PPP1R26: variants seen among roughly 807,000 people sequenced by gnomAD.
The protein encoded by PPP1R26 is 1A6/DRIM (down-regulated in metastasis) interacting protein.
In PPP1R26, 22 loss-of-function variants were observed where a neutral mutation model predicts 67.6. The ratio of observed to expected loss-of-function variants is 0.33; its 90% confidence interval spans 0.23 to 0.46. The LOEUF is 0.46. Among genes scored for constraint, PPP1R26 ranks in the 20% least tolerant of loss-of-function variants. PPP1R26 has a pLI of 1.00. For synonymous variants in PPP1R26, 729 were observed against 717.2 expected (o/e 1.02, Z -0.26); for missense variants, 1,602 against 1,651.4 (o/e 0.97, Z 0.52).
At position 135,486,607 on chromosome 9, in the gene PPP1R26, C is replaced by T. The variant is rs1830740744; in HGVS notation, c.2097C>T (p.Asp699=). The change falls in exon 4 of 4, where the codon GAC becomes GAT. Residue 699 remains aspartate, a synonymous_variant. Coordinates refer to ENST00000356818, the MANE Select transcript of PPP1R26 (RefSeq NM_014811.5). This position sits in a 1 kb window ranked among gnomAD's most constrained non-coding sequence, Gnocchi z 6.2. ...AGGACCTGGACACAGCCATCAAGGA[C>T]TTGTTAAGGTCCAAGCGAAAGCTCA... ...SDEDLDTAIK[D]LLRSKRKLKK... The T allele has an allele frequency of 2.5e-6, 4 of 1,612,376 alleles. No homozygotes were observed. The highest frequency in any genetic ancestry group is 3.4e-6 in the Non-Finnish European group (4 of 1,179,992).
chr9:135,487,505 A>G lies in PPP1R26; in HGVS notation c.2995A>G (p.Met999Val), dbSNP rs781525749. 37 of 1,608,468 alleles carry G rather than the reference A, an allele frequency of 2.3e-5. No individual in the cohort carries two copies. Among genetic ancestry groups the G allele is most frequent in the African/African-American group, 1.6e-4 (12 of 74,832 alleles). ...AGGAGGCGCCAGAGGAACCTTTCAC[A>G]TGGGCTGCGGGAGCCCGAGCTTCCT... ...EAGGARGTFH[M>V]GCGSPSFLTP... Residue 999 changes from methionine to valine, a missense_variant, in exon 4 of 4, where the codon ATG becomes GTG. Coordinates refer to ENST00000356818, the MANE Select transcript of PPP1R26 (RefSeq NM_014811.5).
rs1487452761 is a variant in PPP1R26, at chr9:135,486,763, G to A, written c.2253G>A (p.Lys751=). 5 of 1,581,028 alleles carry A rather than the reference G, an allele frequency of 3.2e-6. No homozygotes were observed. The highest frequency in any genetic ancestry group is 1.1e-5 in the South Asian group (1 of 87,930). ...DWKDRGPPVL[K]SCLSKSKRDS... ...AAGACAGGGGCCCGCCAGTGCTGAAGAGCTGCCTCTCCAAGTCCAAGAGAG... is the reference window on the plus strand; with the variant it reads ...AAGACAGGGGCCCGCCAGTGCTGAAAAGCTGCCTCTCCAAGTCCAAGAGAG... The change falls in exon 4 of 4, where the codon AAG becomes AAA. Residue 751 remains lysine, a synonymous_variant. Coordinates refer to ENST00000356818, the MANE Select transcript of PPP1R26 (RefSeq NM_014811.5). The surrounding 1 kb of genome is among the most constrained non-coding windows in gnomAD (Gnocchi z 6.2).
chr9:135,486,906 C>A lies in PPP1R26; in HGVS notation c.2396C>A (p.Pro799His). Residue 799 changes from proline (P) to histidine (H), a missense_variant, in exon 4 of 4, where the codon CCC (proline) becomes CAC (histidine). Around this residue, in one of 5 missense-constraint regions of PPP1R26, gnomAD observed 740 missense variants for 696.3 expected, o/e 1.06. Coordinates refer to ENST00000356818, the MANE Select transcript of PPP1R26 (RefSeq NM_014811.5). This position sits in a 1 kb window ranked among gnomAD's most constrained non-coding sequence, Gnocchi z 6.2. ...DAALAFRVRRPASASASEGNP... is the reference protein window; with the variant it reads ...DAALAFRVRRHASASASEGNP... Reference sequence around the variant, plus strand: ...GCCCTGGCCTTCCGGGTGAGGAGACCCGCCTCCGCCTCTGCCTCCGAAGGG... The same window carrying A: ...GCCCTGGCCTTCCGGGTGAGGAGACACGCCTCCGCCTCTGCCTCCGAAGGG... The A allele has an allele frequency of 6.2e-7, 1 of 1,612,798 alleles. No homozygotes were observed.
Position 135,486,124 on chromosome 9 carries a change from C to T in PPP1R26, c.1614C>T (p.Ile538=), listed in dbSNP as rs1588351070. The stretch of plus-strand genomic sequence containing the variant: ...GCGATGACAGCATCGAGCAGGAAAT[C>T]CGGACATTTTTGGCCCTAAAGGCGC... The part of the protein sequence containing the change: ...VDSDDSIEQE[I]RTFLALKAQS... Residue 538 remains isoleucine, a synonymous_variant, in exon 4 of 4, where the codon ATC becomes ATT. Coordinates refer to ENST00000356818, the MANE Select transcript of PPP1R26 (RefSeq NM_014811.5). The surrounding 1 kb of genome is among the most constrained non-coding windows in gnomAD (Gnocchi z 6.2). The T allele has an allele frequency of 6.2e-7, 1 of 1,612,940 alleles. No homozygotes were observed. The highest frequency in any genetic ancestry group is 8.5e-7 in the Non-Finnish European group (1 of 1,180,036).
rs1386422641 is a variant in PPP1R26, at chr9:135,485,989, G to A, written c.1479G>A (p.Thr493=). The A allele has an allele frequency of 7.4e-6, 12 of 1,613,030 alleles. No homozygotes were observed. Among genetic ancestry groups the A allele is most frequent in the East Asian group, 4.5e-5 (2 of 44,886 alleles). Residue 493 remains threonine, a synonymous_variant, in exon 4 of 4, where the codon ACG becomes ACA. Coordinates refer to ENST00000356818, the MANE Select transcript of PPP1R26 (RefSeq NM_014811.5). The surrounding 1 kb of genome is among the most constrained non-coding windows in gnomAD (Gnocchi z 7.2). The stretch of plus-strand genomic sequence containing the variant: ...AAGCAATCCTGGACATCTCCAAGAC[G>A]ATCCTGCCGGCCCCTGTAGAGGGCA... The part of the protein sequence containing the change: ...CAEAILDISK[T]ILPAPVEGSD...
chr9:135,483,605 T>C lies in PPP1R26; in HGVS notation c.-195-345T>C, dbSNP rs576290148. On this transcript the variant is annotated intron_variant, in intron 2 of 3. Transcript: ENST00000356818. The stretch of plus-strand genomic sequence containing the variant: ...ATGAATAGCTGCGCAGTATCCCTGG[T>C]ATTGTTCTAAGTGACTGCCATCCAC... 7.6e-4 allele frequency: 134 copies of C among 177,192 alleles called. 1 individual carries two copies. The highest frequency in any genetic ancestry group is 2.7e-3 in the African/African-American group (116 of 42,544). 11.0% of individuals were successfully genotyped at this position (177,192 alleles called of 1,614,324 possible).
Position 135,487,539 on chromosome 9 carries a change from G to T in PPP1R26, c.3029G>T (p.Ser1010Ile), listed in dbSNP as rs760474459. 6.3e-7 allele frequency: 1 copy of T among 1,586,578 alleles called. No individual in the cohort carries two copies. The highest frequency in any genetic ancestry group is 8.6e-7 in the Non-Finnish European group (1 of 1,167,876). ...GGGAGCCCGAGCTTCCTGACCCCCA[G>T]CCCGGGAGCGGAGAGGGACGCTGGA... Reference protein sequence around the residue: ...GCGSPSFLTPSPGAERDAGAQ... With the variant: ...GCGSPSFLTPIPGAERDAGAQ... The change falls in exon 4 of 4, where the codon AGC (serine) becomes ATC (isoleucine). Residue 1010 changes from serine to isoleucine, a missense_variant. Around this residue, in one of 5 missense-constraint regions of PPP1R26, gnomAD observed 740 missense variants for 696.3 expected, o/e 1.06. Coordinates refer to ENST00000356818, the MANE Select transcript of PPP1R26 (RefSeq NM_014811.5).
In PPP1R26 at chr9:135,486,185, C is replaced by G. The variant is rs772380783; in HGVS notation, c.1675C>G (p.Pro559Ala). The change falls in exon 4 of 4, where the codon CCG becomes GCG. Residue 559 changes from proline to alanine, a missense_variant. Pro to Ala is a conservative substitution (Grantham distance 27). Coordinates refer to ENST00000356818, the MANE Select transcript of PPP1R26 (RefSeq NM_014811.5). The surrounding 1 kb of genome is among the most constrained non-coding windows in gnomAD (Gnocchi z 6.2). ...TTTGCTGGCCAGAGGTGAGAGCTGC[C>G]CGCAGGCTGCCCAGGGTCCACTTTT... Reference protein sequence around the residue: ...GSLLARGESCPQAAQGPLLPP... With the variant: ...GSLLARGESCAQAAQGPLLPP... 5 of 1,612,876 alleles carry G rather than the reference C, an allele frequency of 3.1e-6. No individual in the cohort carries two copies. In the African/African-American group the frequency reaches 6.7e-5, roughly 22 times the overall value.
At chr9:135,482,644 C>T in intron 1 of PPP1R26, 39 bp from the exon 2 acceptor site, 1 of 398,224 alleles carries the variant, frequency 2.5e-6, no homozygotes, top group East Asian at 3.6e-5. Context: ...TAGCTTCAGC[C>T]TGTAATTAGA....
chr9:135,487,248 C>A lies in PPP1R26; in HGVS notation c.2738C>A (p.Ala913Glu). ...CTTCGAGGCACAGAGAGCGCAGGAG[C>A]ACAGGGCACAGCTGGTCTGTTCAGC... ...EGLRGTESAGAQGTAGLFSQG... is the reference protein window; with the variant it reads ...EGLRGTESAGEQGTAGLFSQG... Residue 913 changes from alanine to glutamate, a missense_variant, in exon 4 of 4, where the codon GCA becomes GAA. By Grantham distance (107) the Ala-to-Glu change is moderately radical (BLOSUM62 -1). This residue lies in a region of PPP1R26 where 740 missense variants were observed against 696.3 expected (regional missense o/e 1.06). Coordinates refer to ENST00000356818, the MANE Select transcript of PPP1R26 (RefSeq NM_014811.5). The A allele has an allele frequency of 6.4e-7, 1 of 1,574,728 alleles. No individual in the cohort carries two copies. Among genetic ancestry groups the A allele is most frequent in the South Asian group, 1.2e-5 (1 of 83,964 alleles).
chr9:135,486,584 G>T lies in PPP1R26; in HGVS notation c.2074G>T (p.Asp692Tyr). The change falls in exon 4 of 4, where the codon GAC becomes TAC. Residue 692 changes from aspartate to tyrosine, a missense_variant. Physicochemically the swap from Asp to Tyr is radical, Grantham distance 160. Coordinates refer to ENST00000356818, the MANE Select transcript of PPP1R26 (RefSeq NM_014811.5). The surrounding 1 kb of genome is among the most constrained non-coding windows in gnomAD (Gnocchi z 6.2). ...AAGCAGCTCCCTGGACAGTGACGAGGACCTGGACACAGCCATCAAGGACTT... is the reference window on the plus strand; with the variant it reads ...AAGCAGCTCCCTGGACAGTGACGAGTACCTGGACACAGCCATCAAGGACTT... ...DKSSSLDSDE[D>Y]LDTAIKDLLR... The T allele has an allele frequency of 6.2e-7, 1 of 1,612,184 alleles. No individual in the cohort carries two copies.
At chr9:135,483,116 A>G (rs371018320) in intron 2 of PPP1R26, among the ~76,000 whole-genome samples, 9 of 150,188 alleles carry the variant, frequency 6.0e-5, no homozygotes, top group Non-Finnish European at 1.3e-4. Context: ...CAGCCTCCCA[A>G]GTAGCTGGGA....
rs762337402 is a variant in PPP1R26, at chr9:135,484,594, C to T, written c.84C>T (p.Pro28=). ...GCCCGCCAGGGAGCTGTAGGTTCCCCAGGTGCTTCTCGGAGGCTGACGAGG... is the reference window on the plus strand; with the variant it reads ...GCCCGCCAGGGAGCTGTAGGTTCCCTAGGTGCTTCTCGGAGGCTGACGAGG... ...AFGPPGSCRF[P]RCFSEADEGV... Residue 28 remains proline (P), a synonymous_variant, in exon 4 of 4, where the codon CCC becomes CCT. Coordinates refer to ENST00000356818, the MANE Select transcript of PPP1R26 (RefSeq NM_014811.5). 6.2e-7 allele frequency: 1 copy of T among 1,612,784 alleles called. No homozygotes were observed. The highest frequency in any genetic ancestry group is 8.5e-7 in the Non-Finnish European group (1 of 1,180,008).
Position 135,485,164 on chromosome 9 carries a change from C to T in PPP1R26, c.654C>T (p.Ser218=), listed in dbSNP as rs1394441246. 3.7e-6 allele frequency: 6 copies of T among 1,612,856 alleles called. No homozygotes were observed. The East Asian group carries it at 6.7e-5, about 18-fold the overall frequency. ...QGSASPVSVS[S]DDSFEQSIRA... ...CCGCCTCCCCGGTCAGTGTGAGCAG[C>T]GATGACTCCTTCGAGCAGAGCATCA... The change falls in exon 4 of 4, where the codon AGC becomes AGT. Residue 218 remains serine (S), a synonymous_variant. Coordinates refer to ENST00000356818, the MANE Select transcript of PPP1R26 (RefSeq NM_014811.5). The surrounding 1 kb of genome is among the most constrained non-coding windows in gnomAD (Gnocchi z 7.2).
At position 135,486,777 on chromosome 9, in the gene PPP1R26, A is replaced by C; in HGVS notation, c.2267A>C (p.Lys756Thr). ...GPPVLKSCLS[K>T]SKRDSGEGPG... Reference sequence around the variant, plus strand: ...CCAGTGCTGAAGAGCTGCCTCTCCAAGTCCAAGAGAGACAGTGGCGAGGGT... The same window carrying C: ...CCAGTGCTGAAGAGCTGCCTCTCCACGTCCAAGAGAGACAGTGGCGAGGGT... Residue 756 changes from lysine to threonine, a missense_variant, in exon 4 of 4, where the codon AAG becomes ACG. Coordinates refer to ENST00000356818, the MANE Select transcript of PPP1R26 (RefSeq NM_014811.5). This position sits in a 1 kb window ranked among gnomAD's most constrained non-coding sequence, Gnocchi z 6.2. 1 of 1,588,168 alleles carries C rather than the reference A, an allele frequency of 6.3e-7. No homozygotes were observed. The highest frequency in any genetic ancestry group is 8.6e-7 in the Non-Finnish European group (1 of 1,167,848).
rs770913387 is a variant in PPP1R26, at chr9:135,487,680, G to T, written c.3170G>T (p.Ser1057Ile). The change falls in exon 4 of 4, where the codon AGC becomes ATC. Residue 1057 changes from serine to isoleucine, a missense_variant. Ser to Ile is a moderately radical substitution (Grantham distance 142). Coordinates refer to ENST00000356818, the MANE Select transcript of PPP1R26 (RefSeq NM_014811.5). Reference protein sequence around the residue: ...RDAVWRGGVGSERDKGSEGPA... With the variant: ...RDAVWRGGVGIERDKGSEGPA... The stretch of plus-strand genomic sequence containing the variant: ...GCAGTGTGGAGGGGGGGCGTCGGGA[G>T]CGAGAGAGACAAGGGGTCCGAGGGC... 8 of 1,457,604 alleles carry T rather than the reference G, an allele frequency of 5.5e-6. No individual in the cohort carries two copies. In the African/African-American group the frequency reaches 1.1e-4, roughly 21 times the overall value. The allele number at this position is 1,457,604 out of a possible 1,614,324, so 90.3% of individuals were successfully genotyped here. A position where few individuals can be genotyped will look rare whatever the true frequency, so the allele number is the denominator to read the frequency against.
Position 135,485,392 on chromosome 9 carries a change from G to A in PPP1R26, c.882G>A (p.Arg294=). The stretch of plus-strand genomic sequence containing the variant: ...AGTTTGCCTTCCGCAAACCTCCCCG[G>A]TTAGCGAAGATGAACGTCCAGCCCA... The part of the protein sequence containing the change: ...QKEFAFRKPP[R]LAKMNVQPRS... The change falls in exon 4 of 4, where the codon CGG becomes CGA. Residue 294 remains arginine, a synonymous_variant. Transcript: ENST00000356818. This position sits in a 1 kb window ranked among gnomAD's most constrained non-coding sequence, Gnocchi z 7.2. The A allele has an allele frequency of 2.5e-6, 4 of 1,612,954 alleles. No individual in the cohort carries two copies. Among genetic ancestry groups the A allele is most frequent in the Non-Finnish European group, 3.4e-6 (4 of 1,180,004 alleles).
Position 135,488,139 on chromosome 9 carries a change from A to G in PPP1R26, c.3629A>G (p.Ter1210=), listed in dbSNP as rs751431198. The G allele has an allele frequency of 6.6e-7, 1 of 1,507,502 alleles. No individual in the cohort carries two copies. The highest frequency in any genetic ancestry group is 2.4e-5 in the Admixed American group (1 of 42,534). 93.4% of individuals were successfully genotyped at this position (1,507,502 alleles called of 1,614,324 possible). Residue 1210 remains the stop codon, a stop_retained_variant, in exon 4 of 4, where the codon TAA becomes TGA. Transcript: ENST00000356818. Reference sequence around the variant, plus strand: ...GGCGGCAGCTCAGTAGTGAAGGTCTAAGCCCTCGAGCTGTGGGTTCGCGTC... The same window carrying G: ...GGCGGCAGCTCAGTAGTGAAGGTCTGAGCCCTCGAGCTGTGGGTTCGCGTC... ...DSGGSSVVKV[*] is the part of the protein sequence containing the mutation.
chr9:135,482,610 CA>C (rs796375979), intron 1 of PPP1R26, 72 bp from the exon 2 acceptor site: 18,236 of 275,786 alleles, frequency 0.066, 89 homozygotes, highest in Non-Finnish European at 0.081. Context: ...TATTTCTTTC[CA>C]AAAAAAAAAA....
Sources: gnomAD v4.1 joint callset for allele counts (sites outside exome capture counted in the v4.1 genomes callset) on GRCh38, gnomAD v4.1.1 for gene constraint, gnomAD v4.1.1 regional missense constraint, Gnocchi (gnomAD v3.1) non-coding constraint, MANE v1.5 for transcripts, NCBI Gene and HGNC (gene_info 2026-07-23, HGNC 2026-07-21) for gene names.